The following ATRNL1 variants were observed in gnomAD, a reference collection of about 807,000 sequenced individuals.
ATRNL1 encodes the protein attractin like 1, also known as attractin-like protein 1.
Under a neutral mutation model 182.7 loss-of-function variants are expected in ATRNL1, and 95 were observed. The observed-to-expected ratio is 0.52, with a 90% CI of 0.44 to 0.62. The LOEUF is 0.62. Among genes scored for constraint, ATRNL1 ranks in the 20% least tolerant of loss-of-function variants. The pLI is 0.00. For synonymous variants in ATRNL1, 576 were observed against 568.3 expected (o/e 1.01, Z -0.19); for missense variants, 1,471 against 1,679.5 (o/e 0.88, Z 2.17).
At chr10:115,538,802 A>G (rs1346143553) in intron 25 of ATRNL1, among the ~76,000 whole-genome samples, 2 of 152,196 alleles carry the variant, frequency 1.3e-5, no homozygotes, top group South Asian at 2.1e-4. Context: ...TCTTTCTAAC[A>G]GTTTTATACA....
chr10:115,433,512 A>G lies in ATRNL1; in HGVS notation c.3322+7210A>G, dbSNP rs111442023. ...AATAATCTAAATTCTTATATTTACC[A>G]GATTGCAGACATGATGGATTGAACA... On this transcript the variant is annotated intron_variant, in intron 21 of 28. Transcript: ENST00000355044. Among the ~76,000 whole-genome samples, 327 of 152,278 alleles carry G rather than the reference A, an allele frequency of 2.1e-3. 1 individual carries two copies. The highest frequency in any genetic ancestry group is 7.5e-3 in the African/African-American group (312 of 41,582).
intron 26 of ATRNL1, among the ~76,000 whole-genome samples, chr10:115,680,608 A>G (rs1403243715): frequency 6.6e-6 from 1 of 152,166 alleles, no homozygotes; most frequent in Non-Finnish European, 1.5e-5. Context: ...CTAAGGCTGT[A>G]GTTCCAGAGC....
At chr10:115,519,439 T>A in intron 25 of ATRNL1, 115 bp downstream of exon 25, 1 of 816,094 alleles carries the variant, frequency 1.2e-6, no homozygotes, top group Non-Finnish European at 2.0e-6. Flanking sequence ...ATAGAGTATG[T>A]CTTGAATAGC....
At chr10:115,246,959 C>G (rs1554904238) in intron 10 of ATRNL1, among the ~76,000 whole-genome samples, 1 of 152,084 alleles carries the variant, frequency 6.6e-6, no homozygotes, top group Non-Finnish European at 1.5e-5. Context: ...TCTGAAAAAG[C>G]AGCCTCTTTA....
intron 10 of ATRNL1, among the ~76,000 whole-genome samples, chr10:115,257,668 T>A (rs1348713973): frequency 6.6e-6 from 1 of 152,240 alleles, no homozygotes; most frequent in Non-Finnish European, 1.5e-5. Flanking sequence ...CGCTGGTTAT[T>A]TTGCCTGTTA....
At chr10:115,812,412 A>C (rs1950067091) in intron 27 of ATRNL1, among the ~76,000 whole-genome samples, 1 of 152,112 alleles carries the variant, frequency 6.6e-6, no homozygotes, top group Non-Finnish European at 1.5e-5. Flanking sequence ...TGTAGCCTTC[A>C]TAAGCTTATT....
chr10:115,502,512 C>A (rs1294061623), intron 24 of ATRNL1, among the ~76,000 whole-genome samples: 1 of 151,724 alleles, frequency 6.6e-6, no homozygotes, highest in Non-Finnish European at 1.5e-5. Flanking sequence ...AAACAAGAAG[C>A]CCTAGTAAAA....
At chr10:115,648,618 C>T (rs1218949993) in intron 26 of ATRNL1, among the ~76,000 whole-genome samples, 4 of 152,170 alleles carry the variant, frequency 2.6e-5, no homozygotes, top group South Asian at 2.1e-4. Flanking sequence ...TATAGACCAA[C>T]GAAATGGAAC....
At chr10:115,646,778 T>C (rs1014689886) in intron 26 of ATRNL1, among the ~76,000 whole-genome samples, 1 of 152,230 alleles carries the variant, frequency 6.6e-6, no homozygotes, top group East Asian at 1.9e-4. Context: ...GCTTTATTTT[T>C]CACTAAATAG....
intron 19 of ATRNL1, among the ~76,000 whole-genome samples, chr10:115,339,725 C>T (rs186202309): frequency 9.2e-5 from 14 of 152,106 alleles, no homozygotes; most frequent in Admixed American, 1.3e-4. Context: ...CTAGCTAGGA[C>T]GTTCAGGACT....
chr10:115,497,762 A>G (rs1849623637), intron 24 of ATRNL1, among the ~76,000 whole-genome samples: 1 of 151,864 alleles, frequency 6.6e-6, no homozygotes, highest in African/African-American at 2.4e-5. Flanking sequence ...GGCTCAAGCA[A>G]TTCTCCTGCT....
chr10:115,093,658 G>A lies in ATRNL1; in HGVS notation c.-93G>A. On this transcript the variant is annotated 5_prime_UTR_variant, in exon 1 of 29. Transcript: ENST00000355044. This position sits in a 1 kb window ranked among gnomAD's most constrained non-coding sequence, Gnocchi z 6.1. ...GCCGGTGAGGAGGAGGAGAAGCGGC[G>A]GCGGAGAGGTTTTCTGCGGCCGGAA... 3 of 1,341,268 alleles carry A rather than the reference G, an allele frequency of 2.2e-6. No homozygotes were observed. Among genetic ancestry groups the A allele is most frequent in the Middle Eastern group, 1.8e-4 (1 of 5,560 alleles). 83.1% of individuals were successfully genotyped at this position (1,341,268 alleles called of 1,614,324 possible).
At chr10:115,323,416 TC>T (rs1564913744) in intron 18 of ATRNL1, among the ~76,000 whole-genome samples, 1 of 44,314 alleles carries the variant, frequency 2.3e-5, no homozygotes, top group Non-Finnish European at 4.8e-5. Flanking sequence ...TCCCCTCCCC[TC>T]CCCTCCCCTC....
chr10:115,942,641 A>T (rs1953764192), intron 28 of ATRNL1, among the ~76,000 whole-genome samples: 1 of 152,246 alleles, frequency 6.6e-6, no homozygotes, highest in Admixed American at 6.5e-5. Context: ...AAATAATGAT[A>T]TTCTACGTAG....
At chr10:115,765,138 T>C (rs1261201336) in intron 27 of ATRNL1, among the ~76,000 whole-genome samples, 1 of 152,236 alleles carries the variant, frequency 6.6e-6, no homozygotes, top group Admixed American at 6.5e-5. Flanking sequence ...CAAACATCCA[T>C]GTGCAGATTT....
intron 26 of ATRNL1, among the ~76,000 whole-genome samples, chr10:115,668,008 A>G (rs922871070): frequency 2.0e-5 from 3 of 152,042 alleles, no homozygotes; most frequent in African/African-American, 7.2e-5. Context: ...GAATCAACTT[A>G]GTTTCAAAGG....
At chr10:115,289,253 G>C (rs1364088899) in intron 15 of ATRNL1, among the ~76,000 whole-genome samples, 2 of 152,258 alleles carry the variant, frequency 1.3e-5, no homozygotes, top group Non-Finnish European at 1.5e-5. Context: ...CTTCCCATCA[G>C]ATCCCTCCCA....
At position 115,302,737 on chromosome 10, in the gene ATRNL1, G is replaced by A. The variant is rs117517442; in HGVS notation, c.2818+694G>A. The stretch of plus-strand genomic sequence containing the variant: ...TAATACTGGGTACTATGTGGTGAGA[G>A]TGGCCTTGCTTACAAACACAAATGG... On this transcript the variant is annotated intron_variant, in intron 17 of 28. Transcript: ENST00000355044. Among the ~76,000 whole-genome samples, 180 of 152,288 alleles carry A rather than the reference G, an allele frequency of 1.2e-3. 3 individuals carry two copies. The East Asian group carries it at 0.034, about 29-fold the overall frequency.
At chr10:115,754,147 C>G (rs558558843) in intron 27 of ATRNL1, among the ~76,000 whole-genome samples, 1 of 152,302 alleles carries the variant, frequency 6.6e-6, no homozygotes, top group African/African-American at 2.4e-5. Context: ...ATGATAGTTT[C>G]TTTTGCTCTG....
Sources: allele counts gnomAD v4.1 joint callset (sites outside exome capture counted in the v4.1 genomes callset), GRCh38; gene constraint gnomAD v4.1.1; non-coding constraint Gnocchi (gnomAD v3.1); transcripts MANE v1.5; gene names NCBI Gene and HGNC (gene_info 2026-07-23, HGNC 2026-07-21).